The following TSPEAR variants were observed in gnomAD, a reference collection of about 807,000 sequenced individuals.
TSPEAR encodes thrombospondin type laminin G domain and EAR repeats.
A neutral mutation model predicts 71.6 loss-of-function variants in TSPEAR; 69 were observed. The observed-to-expected ratio is 0.96, with a 90% CI of 0.79 to 1.18. The LOEUF (loss-of-function observed/expected upper bound fraction) is 1.18. Ranked by LOEUF, TSPEAR falls within the 50% of genes most tolerant of loss-of-function variation. The pLI is 0.00. For synonymous variants in TSPEAR, 402 were observed against 387.2 expected, an observed-to-expected ratio of 1.04 and a Z score of -0.45; for missense variants, 971 against 894.9, an observed-to-expected ratio of 1.09 and a Z score of -1.09.
At chr21:44,516,870 CTCCT>C (rs1259283960) in intron 9 of TSPEAR, among the ~76,000 whole-genome samples, 41 of 152,194 alleles carry the variant, frequency 2.7e-4, no homozygotes, top group African/African-American at 8.7e-4. Context: ...TGGCCCTCCC[CTCCT>C]TCCTTCCCAG....
At chr21:44,694,311 A>C (rs553633540) in intron 1 of TSPEAR, among the ~76,000 whole-genome samples, 27 of 152,220 alleles carry the variant, frequency 1.8e-4, no homozygotes, top group African/African-American at 6.3e-4. Context: ...AGTCAGTCAC[A>C]AAAAAAACAA....
chr21:44,594,360 G>A (rs1388692021), intron 1 of TSPEAR, among the ~76,000 whole-genome samples: 1 of 152,210 alleles, frequency 6.6e-6, no homozygotes, highest in Non-Finnish European at 1.5e-5. Flanking sequence ...GGAAGCCTGT[G>A]ACCCCATAGT....
chr21:44,529,903 G>A lies in TSPEAR; in HGVS notation c.685C>T (p.Leu229=), dbSNP rs2052932834. The change falls in exon 5 of 12, where the codon CTG becomes TTG. Residue 229 remains leucine, a synonymous_variant. Coordinates refer to ENST00000323084, the MANE Select transcript of TSPEAR (RefSeq NM_144991.3). ...AGCGGGGCGTTCCTGCTGGGACACA[G>A]CCTTGGGGTGGCGTCTGAGCCCGGC... is the stretch of plus-strand genomic sequence containing the variant. ...LLPGSDATPR[L]CPSRNAPLAV... The A allele has an allele frequency of 1.9e-6, 3 of 1,612,296 alleles. No individual in the cohort carries two copies. The East Asian group carries it at 6.7e-5, about 36-fold the overall frequency.
intron 8 of TSPEAR, among the ~76,000 whole-genome samples, chr21:44,524,588 C>G (rs73379211): frequency 0.042 from 6,298 of 151,632 alleles, 452 homozygotes; most frequent in African/African-American, 0.14. Context: ...ATCAGTTAGT[C>G]AGGTAGTTAG....
intron 2 of TSPEAR, chr21:44,550,719 A>G (rs1555918486): frequency 6.2e-7 from 1 of 1,613,994 alleles, no homozygotes; most frequent in East Asian, 2.2e-5. Flanking sequence ...GCCTGAGGAA[A>G]AGCTGCAGGA....
At chr21:44,637,328 GC>G in intron 1 of TSPEAR, 1 of 1,445,850 alleles carries the variant, frequency 6.9e-7, no homozygotes, top group Non-Finnish European at 9.4e-7. Context: ...GCATATAAAA[GC>G]CCCAGCAGCT....
chr21:44,688,989 G>A (rs1718138618), intron 1 of TSPEAR, among the ~76,000 whole-genome samples: 1 of 152,130 alleles, frequency 6.6e-6, no homozygotes, highest in Admixed American at 6.5e-5. Context: ...GCGATGGATG[G>A]ACCTGCGCCC....
At chr21:44,624,554 C>T (rs1982645615) in intron 1 of TSPEAR, among the ~76,000 whole-genome samples, 1 of 152,198 alleles carries the variant, frequency 6.6e-6, no homozygotes, top group Non-Finnish European at 1.5e-5. Flanking sequence ...ACTTAGGCTA[C>T]AGGCAGATCA....
intron 2 of TSPEAR, among the ~76,000 whole-genome samples, chr21:44,559,652 AG>A (rs1476803743): frequency 6.6e-6 from 1 of 152,178 alleles, no homozygotes; most frequent in African/African-American, 2.4e-5. Context: ...TACAAATAAA[AG>A]GGTCTGATTG....
intron 1 of TSPEAR, chr21:44,601,171 A>G (rs1980845327): frequency 2.5e-6 from 4 of 1,601,128 alleles, no homozygotes; most frequent in Non-Finnish European, 3.4e-6. Context: ...CTGTGTGTCC[A>G]GTCCCTGCTG....
At chr21:44,671,683 C>T (rs1241225250) in intron 1 of TSPEAR, among the ~76,000 whole-genome samples, 2 of 152,162 alleles carry the variant, frequency 1.3e-5, no homozygotes, top group East Asian at 3.8e-4. Context: ...CCGCCATAGA[C>T]ACATCTGCAG....
At chr21:44,663,050 T>C (rs1453678129) in intron 1 of TSPEAR, among the ~76,000 whole-genome samples, 1 of 149,258 alleles carries the variant, frequency 6.7e-6, no homozygotes, top group Non-Finnish European at 1.5e-5. Context: ...GTTTGCACTT[T>C]AAAGAAAAAA....
intron 1 of TSPEAR, among the ~76,000 whole-genome samples, chr21:44,707,644 G>A (rs1988003935): frequency 3.3e-5 from 5 of 152,152 alleles, no homozygotes; most frequent in Non-Finnish European, 7.3e-5. Context: ...AAGGAAAGGC[G>A]TGGCCACTGA....
At chr21:44,550,585 G>A (rs1411206277) in intron 2 of TSPEAR, 23 of 1,499,432 alleles carry the variant, frequency 1.5e-5, no homozygotes, top group Non-Finnish European at 2.0e-5. Context: ...TGTGGCTGGG[G>A]CTGCTCCTTC....
chr21:44,678,110 G>A (rs587593711), intron 1 of TSPEAR: 7 of 623,202 alleles, frequency 1.1e-5, no homozygotes, highest in Middle Eastern at 3.5e-4. Context: ...GGTGCTGCTG[G>A]TGGATGCGGG....
rs1042022737 is a variant in TSPEAR at position 44,710,831 on chromosome 21, C to T, written c.82+602G>A. On this transcript the variant is annotated intron_variant, in intron 1 of 11. Transcript: ENST00000323084. This position sits in a 1 kb window ranked among gnomAD's most constrained non-coding sequence, Gnocchi z 4.6. ...CCTTTCTAAAAGGTGGGAAGGAGAC[C>T]CCCAGGCTTCGCCAGGACCCCCCAG... Among the ~76,000 whole-genome samples the T allele has an allele frequency of 6.6e-6, 1 of 152,208 alleles. No individual in the cohort carries two copies. Among genetic ancestry groups the T allele is most frequent in the Admixed American group, 6.5e-5 (1 of 15,288 alleles).
chr21:44,520,329 C>G lies in TSPEAR; in HGVS notation c.1566+1554G>C, dbSNP rs1555914078. The stretch of plus-strand genomic sequence containing the variant: ...GCCCTGCAGGTACCCTCCCAACTTT[C>G]CCAGCCCTCACTTCCTCCTGGTGAG... On this transcript the variant is annotated intron_variant, in intron 9 of 11. Transcript: ENST00000323084. The surrounding 1 kb of genome is among the most constrained non-coding windows in gnomAD (Gnocchi z 4.2). 1 of 151,982 alleles carries G rather than the reference C, an allele frequency of 6.6e-6. No individual in the cohort carries two copies. Among genetic ancestry groups the G allele is most frequent in the Non-Finnish European group, 1.5e-5 (1 of 67,924 alleles). The allele number at this position is 151,982 out of a possible 1,614,324, so 9.4% of individuals were successfully genotyped here.
intron 1 of TSPEAR, chr21:44,600,557 C>G: frequency 6.5e-7 from 1 of 1,541,036 alleles, no homozygotes; most frequent in Non-Finnish European, 8.8e-7. Flanking sequence ...ACCTAACACA[C>G]GGACTCACTC....
At chr21:44,619,579 C>T (rs180793365) in intron 1 of TSPEAR, among the ~76,000 whole-genome samples, 200 of 152,244 alleles carry the variant, frequency 1.3e-3, no homozygotes, top group African/African-American at 4.5e-3. Context: ...GTTTAAAAAA[C>T]TAAATACAAT....
Sources: allele counts gnomAD v4.1 joint callset (sites outside exome capture counted in the v4.1 genomes callset), GRCh38; gene constraint gnomAD v4.1.1; non-coding constraint Gnocchi (gnomAD v3.1); transcripts MANE v1.5; gene names NCBI Gene and HGNC (gene_info 2026-07-23, HGNC 2026-07-21).